The following ANK3 variants were observed in gnomAD, a reference collection of about 807,000 sequenced individuals.
ANK3 encodes ankyrin-3.
In ANK3, 57 loss-of-function variants were observed where a neutral mutation model predicts 370.9. The observed-to-expected ratio is 0.15, with a 90% CI of 0.12 to 0.19. The LOEUF is 0.19. Ranked by LOEUF, ANK3 falls within the 10% of genes least tolerant of loss-of-function variation. The pLI is 1.00. For missense variants in ANK3, 4,439 were observed against 5,302.1 expected (o/e 0.84, Z 5.06); for synonymous variants, 1,929 against 1,946.3 (o/e 0.99, Z 0.23).
chr10:60,501,705 C>CAAAAAAAAA (rs376934079), intron 2 of ANK3, among the ~76,000 whole-genome samples: 1 of 79,800 alleles, frequency 1.3e-5, no homozygotes. Context: ...GACTCTGTCT[C>CAAAAAAAAA]AAAAAAAAAA....
chr10:60,715,355 T>C (rs2079770990), intron 1 of ANK3, among the ~76,000 whole-genome samples: 1 of 151,886 alleles, frequency 6.6e-6, no homozygotes, highest in Non-Finnish European at 1.5e-5. Context: ...CACTGTCAGA[T>C]AAATTAAAGG....
intron 40 of ANK3, chr10:60,059,683 A>T (rs749782714): frequency 3.1e-6 from 5 of 1,601,634 alleles, no homozygotes; most frequent in Non-Finnish European, 4.3e-6. Flanking sequence ...TTTCCAAGGT[A>T]TTGAGGATAC....
chr10:60,529,157 G>A (rs1026805964), intron 2 of ANK3, among the ~76,000 whole-genome samples: 5 of 152,090 alleles, frequency 3.3e-5, no homozygotes, highest in African/African-American at 7.2e-5. Flanking sequence ...TTGCTCTCCC[G>A]AGATAAAGTG....
intron 9 of ANK3, among the ~76,000 whole-genome samples, chr10:60,210,273 A>G (rs1475861897): frequency 6.6e-6 from 1 of 152,220 alleles, no homozygotes. Flanking sequence ...TAAAAGCTCT[A>G]AAGAAAATAA....
intron 1 of ANK3, among the ~76,000 whole-genome samples, chr10:60,658,289 A>C (rs1477608775): frequency 6.6e-6 from 1 of 151,026 alleles, no homozygotes; most frequent in African/African-American, 2.4e-5. Context: ...TCTATTAATC[A>C]AGTATCTTTT....
intron 23 of ANK3, among the ~76,000 whole-genome samples, chr10:60,161,808 A>G (rs1349550108): frequency 1.3e-5 from 2 of 152,168 alleles, no homozygotes; most frequent in African/African-American, 2.4e-5. Flanking sequence ...ATAAGATCTA[A>G]TATCTGGTAG....
At chr10:60,226,346 ATATGTAATAC>A (rs77075965) in intron 8 of ANK3, among the ~76,000 whole-genome samples, 5,959 of 30,444 alleles carry the variant, frequency 0.2, 1,798 homozygotes, top group East Asian at 0.47. Flanking sequence ...ATTATATAGT[ATATGTAATAC>A]TATATAATAT....
chr10:60,262,511 A>G (rs1281010370), intron 6 of ANK3, among the ~76,000 whole-genome samples: 1 of 152,218 alleles, frequency 6.6e-6, no homozygotes, highest in African/African-American at 2.4e-5. Flanking sequence ...CCTATTCAAT[A>G]ACACATGTTT....
intron 2 of ANK3, among the ~76,000 whole-genome samples, chr10:60,463,716 ATT>A (rs113653310): frequency 6.7e-6 from 1 of 148,906 alleles, no homozygotes; most frequent in African/African-American, 2.5e-5. Context: ...TTTCCAGGAG[ATT>A]TTTTTTTGAG....
Position 60,516,560 on chromosome 10 carries a change from G to T in ANK3, c.96+98626C>A, listed in dbSNP as rs574074870. ...AACTTACTCCTGTAGACAAAATAAT[G>T]AGGCTGCTGTTTTGCCAAATATTTT... On this transcript the variant is annotated intron_variant, in intron 2 of 43. Transcript: ENST00000373827. Among the ~76,000 whole-genome samples, 5 of 152,146 alleles carry T rather than the reference G, an allele frequency of 3.3e-5. No homozygotes were observed. In the South Asian group the frequency reaches 8.3e-4, roughly 25 times the overall value.
chr10:60,436,283 T>C lies in ANK3; in HGVS notation c.97-156644A>G, dbSNP rs183549989. ...AACAATGCTGCTATGAACATTTGTG[T>C]TCAAGCTTTTGTGTGGAAGCATGTT... is the stretch of plus-strand genomic sequence containing the variant. On this transcript the variant is annotated intron_variant, in intron 2 of 43. Coordinates refer to the ANK3 transcript ENST00000373827. Among the ~76,000 whole-genome samples the C allele has an allele frequency of 2.4e-3, 369 of 152,318 alleles. 1 individual carries two copies. The highest frequency in any genetic ancestry group is 8.4e-3 in the African/African-American group (348 of 41,568).
chr10:60,431,037 G>T (rs140956449), intron 2 of ANK3, among the ~76,000 whole-genome samples: 604 of 152,330 alleles, frequency 4.0e-3, no homozygotes, highest in Non-Finnish European at 7.1e-3. Context: ...CGGACCAGGA[G>T]AGGGGGATGG....
rs146171403 is a variant in ANK3, at chr10:60,564,940, G to T, written c.96+50246C>A. On this transcript the variant is annotated intron_variant, in intron 2 of 43. Coordinates refer to the ANK3 transcript ENST00000373827. ...CTGCAGTGGAATTCCTTACCTAGTA[G>T]AATCCTAAACATATAAACATTTTTC... 3.4e-3 allele frequency among the ~76,000 whole-genome samples: 521 copies of T among 152,166 alleles called. 3 individuals are homozygous for T. The highest frequency in any genetic ancestry group is 0.012 in the African/African-American group (501 of 41,488).
At chr10:60,098,831 A>G (rs552987259) in intron 28 of ANK3, among the ~76,000 whole-genome samples, 13 of 152,198 alleles carry the variant, frequency 8.5e-5, no homozygotes, top group Non-Finnish European at 1.6e-4. Flanking sequence ...ATCTTTATTC[A>G]GGGTAGAGAT....
rs776518174 is a variant in ANK3, at chr10:60,074,102, C to T, written c.6779G>A (p.Gly2260Asp). The stretch of plus-strand genomic sequence containing the variant: ...TTCAATTCTTTCAGATGCACCTTCA[C>T]CGCCTGGTGGAGAATGATAAACCAT... ...TRMVYHSPPG[G>D]EGASERIEET... Residue 2260 changes from glycine (G) to aspartate (D), a missense_variant, in exon 37 of 44, where the codon GGT becomes GAT. Coordinates refer to ENST00000280772, the MANE Select transcript of ANK3 (RefSeq NM_020987.5). 9.3e-6 allele frequency: 15 copies of T among 1,613,892 alleles called. No homozygotes were observed. In the Admixed American group the frequency reaches 1.7e-4, roughly 18 times the overall value.
chr10:60,364,809 CA>C (rs2059170928), intron 1 of ANK3, among the ~76,000 whole-genome samples: 1 of 149,956 alleles, frequency 6.7e-6, no homozygotes, highest in Non-Finnish European at 1.5e-5. Context: ...GGACAATTTA[CA>C]AAACTGTAAG....
At chr10:60,384,215 C>G (rs2061944201) in intron 1 of ANK3, among the ~76,000 whole-genome samples, 1 of 152,168 alleles carries the variant, frequency 6.6e-6, no homozygotes, top group African/African-American at 2.4e-5. Flanking sequence ...ATCTAACACA[C>G]TGTTATGTTG....
intron 1 of ANK3, among the ~76,000 whole-genome samples, chr10:60,639,808 T>C (rs2119911): frequency 0.68 from 102,773 of 151,794 alleles, 34,918 homozygotes; most frequent in South Asian, 0.82. Context: ...AAACAGAACA[T>C]ATGGATCAAA....
In ANK3 at chr10:60,544,143, C is replaced by T. The variant is rs527683897; in HGVS notation, c.96+71043G>A. Among the ~76,000 whole-genome samples the T allele has an allele frequency of 3.9e-5, 6 of 152,064 alleles. No homozygotes were observed. In the South Asian group the frequency reaches 8.3e-4, roughly 21 times the overall value. ...GCAAAATGTACTGTATAGAAAACACCGTCCAGAAGGCAACCCAGAGAAGGG... is the reference window on the plus strand; with the variant it reads ...GCAAAATGTACTGTATAGAAAACACTGTCCAGAAGGCAACCCAGAGAAGGG... On this transcript the variant is annotated intron_variant, in intron 2 of 43. Coordinates refer to the ANK3 transcript ENST00000373827.
Sources: allele counts gnomAD v4.1 joint callset (sites outside exome capture counted in the v4.1 genomes callset), GRCh38; gene constraint gnomAD v4.1.1; transcripts MANE v1.5; gene names NCBI Gene and HGNC (gene_info 2026-07-23, HGNC 2026-07-21).